UNC5D: variants seen among roughly 807,000 people sequenced by gnomAD.
The protein encoded by UNC5D is netrin receptor UNC5D.
In UNC5D, 39 loss-of-function variants were observed where a neutral mutation model predicts 105.4. The observed-to-expected ratio is 0.37, with a 90% CI of 0.29 to 0.48. The LOEUF (loss-of-function observed/expected upper bound fraction) is 0.48, where lower values mean the gene tolerates loss of function less well. Among genes scored for constraint, UNC5D ranks in the 20% least tolerant of loss-of-function variants. UNC5D has a pLI of 0.98. For missense variants in UNC5D, 991 were observed against 1,202.4 expected, an observed-to-expected ratio of 0.82 and a Z score of 2.60; for synonymous variants, 452 against 450.4, an observed-to-expected ratio of 1.00 and a Z score of -0.04.
chr8:35,550,564 A>G (rs994500244), intron 2 of UNC5D, among the ~76,000 whole-genome samples: 2 of 152,220 alleles, frequency 1.3e-5, no homozygotes, highest in Non-Finnish European at 2.9e-5. Flanking sequence ...GATATTCTAT[A>G]TAACAAGGTA....
chr8:35,332,188 G>A, intron 1 of UNC5D, among the ~76,000 whole-genome samples: 1 of 152,152 alleles, frequency 6.6e-6, no homozygotes, highest in East Asian at 1.9e-4. Context: ...ATGATGCTAG[G>A]AGTATACATA....
At chr8:35,591,237 A>T (rs1313696441) in intron 3 of UNC5D, among the ~76,000 whole-genome samples, 1 of 151,904 alleles carries the variant, frequency 6.6e-6, no homozygotes, top group Non-Finnish European at 1.5e-5. Context: ...ATAAAAAATT[A>T]GCTCCTATGC....
intron 1 of UNC5D, among the ~76,000 whole-genome samples, chr8:35,248,211 A>C: frequency 1.0e-5 from 1 of 98,138 alleles, no homozygotes; most frequent in Non-Finnish European, 1.7e-5. Context: ...TATAAAATAT[A>C]TAATATATAA....
At chr8:35,735,728 A>T (rs564342716) in intron 11 of UNC5D, among the ~76,000 whole-genome samples, 18 of 152,328 alleles carry the variant, frequency 1.2e-4, no homozygotes, top group Admixed American at 2.0e-4. Flanking sequence ...GCTCACAAAC[A>T]CTGCAGTATA....
intron 1 of UNC5D, among the ~76,000 whole-genome samples, chr8:35,241,849 C>T (rs1305711552): frequency 6.6e-6 from 1 of 152,012 alleles, no homozygotes; most frequent in African/African-American, 2.4e-5. Context: ...TTGAATTGTT[C>T]TCTTTCAGCT....
At chr8:35,304,507 C>T (rs149983330) in intron 1 of UNC5D, among the ~76,000 whole-genome samples, 39 of 152,040 alleles carry the variant, frequency 2.6e-4, no homozygotes, top group African/African-American at 8.4e-4. Flanking sequence ...TGAATCACAA[C>T]CTAAAAGGAA....
At chr8:35,740,042 A>AAGAT (rs1350634164) in intron 11 of UNC5D, among the ~76,000 whole-genome samples, 1 of 152,226 alleles carries the variant, frequency 6.6e-6, no homozygotes, top group African/African-American at 2.4e-5. Context: ...TGAAACAATG[A>AAGAT]AGATAGCCCT....
chr8:35,408,079 A>C (rs576094672), intron 1 of UNC5D, among the ~76,000 whole-genome samples: 10 of 152,172 alleles, frequency 6.6e-5, no homozygotes, highest in Non-Finnish European at 1.0e-4. Flanking sequence ...ATTTAAAATT[A>C]GCTCTCTGTC....
chr8:35,245,458 G>A (rs1436415499), intron 1 of UNC5D, among the ~76,000 whole-genome samples: 1 of 152,094 alleles, frequency 6.6e-6, no homozygotes, highest in Non-Finnish European at 1.5e-5. Flanking sequence ...ATTACTAGCA[G>A]CTTGTATCGG....
chr8:35,260,955 A>AAATG (rs1804450396), intron 1 of UNC5D, among the ~76,000 whole-genome samples: 2 of 152,282 alleles, frequency 1.3e-5, no homozygotes, highest in Admixed American at 1.3e-4. Context: ...TTTGCAGTAT[A>AAATG]ATCTGATAAA....
chr8:35,439,451 C>G (rs1360403756), intron 1 of UNC5D, among the ~76,000 whole-genome samples: 1 of 152,026 alleles, frequency 6.6e-6, no homozygotes, highest in African/African-American at 2.4e-5. Context: ...CATTTCGTGC[C>G]ATTCTTCCCA....
chr8:35,263,326 C>A (rs770499872), intron 1 of UNC5D, among the ~76,000 whole-genome samples: 1 of 152,232 alleles, frequency 6.6e-6, no homozygotes, highest in Non-Finnish European at 1.5e-5. Context: ...TGTCCATTTG[C>A]GCTAAATTTT....
intron 11 of UNC5D, among the ~76,000 whole-genome samples, chr8:35,743,874 G>C (rs559054203): frequency 2.0e-5 from 3 of 152,086 alleles, no homozygotes; most frequent in Non-Finnish European, 2.9e-5. Context: ...AAATTATCTT[G>C]TATAAACATA....
chr8:35,367,479 G>A (rs1425206396), intron 1 of UNC5D, among the ~76,000 whole-genome samples: 1 of 152,176 alleles, frequency 6.6e-6, no homozygotes, highest in African/African-American at 2.4e-5. Context: ...GGGGACTAGT[G>A]TGTTGATGGC....
At chr8:35,593,928 C>T (rs1270922820) in intron 3 of UNC5D, among the ~76,000 whole-genome samples, 1 of 152,150 alleles carries the variant, frequency 6.6e-6, no homozygotes, top group African/African-American at 2.4e-5. Context: ...TGTGAGACAG[C>T]AGAGGAGAAT....
chr8:35,503,029 T>C (rs1305642498), intron 1 of UNC5D, among the ~76,000 whole-genome samples: 1 of 152,134 alleles, frequency 6.6e-6, no homozygotes, highest in African/African-American at 2.4e-5. Flanking sequence ...ACAAAATCAG[T>C]TGTAGAAGTA....
chr8:35,403,028 A>T (rs1475989280), intron 1 of UNC5D, among the ~76,000 whole-genome samples: 29 of 152,228 alleles, frequency 1.9e-4, no homozygotes, highest in Admixed American at 1.8e-3. Flanking sequence ...CAAGATGGAC[A>T]CTATCAGGTT....
At chr8:35,261,905 G>GC (rs1804525645) in intron 1 of UNC5D, among the ~76,000 whole-genome samples, 1 of 152,136 alleles carries the variant, frequency 6.6e-6, no homozygotes, top group Admixed American at 6.5e-5. Context: ...TATATCTCTA[G>GC]CAAGAATATG....
At chr8:35,239,647 G>A (rs1204430682) in intron 1 of UNC5D, among the ~76,000 whole-genome samples, 1 of 152,074 alleles carries the variant, frequency 6.6e-6, no homozygotes, top group Non-Finnish European at 1.5e-5. Flanking sequence ...TGTTCACAGG[G>A]AGCCCAGATG....
Sources: gnomAD v4.1 joint callset for allele counts (sites outside exome capture counted in the v4.1 genomes callset) on GRCh38, gnomAD v4.1.1 for gene constraint, MANE v1.5 for transcripts, NCBI Gene and HGNC (gene_info 2026-07-23, HGNC 2026-07-21) for gene names.